SIK2: variants seen among roughly 807,000 people sequenced by gnomAD.
The protein encoded by SIK2 is serine/threonine-protein kinase SIK2.
SIK2 carries 29 observed loss-of-function variants against 103.2 expected under a neutral mutation model. The ratio of observed to expected loss-of-function variants is 0.28; its 90% confidence interval spans 0.21 to 0.38. The LOEUF is 0.38. SIK2 is among the 10% of genes least tolerant of loss of function. The pLI is 1.00. For synonymous variants in SIK2, 412 were observed against 446.1 expected, an observed-to-expected ratio of 0.92 and a Z score of 0.96; for missense variants, 879 against 1,171.0, an observed-to-expected ratio of 0.75 and a Z score of 3.64.
At chr11:111,713,921 C>G (rs977117846) in intron 9 of SIK2, among the ~76,000 whole-genome samples, 1 of 152,070 alleles carries the variant, frequency 6.6e-6, no homozygotes, top group East Asian at 1.9e-4. Context: ...GAGCCGAGAT[C>G]GTGCCATTGC....
chr11:111,622,229 T>C (rs975958934), intron 3 of SIK2, among the ~76,000 whole-genome samples: 11 of 150,412 alleles, frequency 7.3e-5, no homozygotes, highest in Non-Finnish European at 1.5e-4. Flanking sequence ...TTTTCTTTTG[T>C]CTGAAGGATT....
intron 4 of SIK2, among the ~76,000 whole-genome samples, chr11:111,697,694 T>A (rs1943109267): frequency 6.6e-6 from 1 of 152,098 alleles, no homozygotes; most frequent in Non-Finnish European, 1.5e-5. Flanking sequence ...TTCAGATGAT[T>A]ACAAATACAG....
At chr11:111,619,446 C>CAGCTCTCCCACCTCAGCCTCCCAAGT (rs1941852628) in intron 2 of SIK2, among the ~76,000 whole-genome samples, 1 of 152,018 alleles carries the variant, frequency 6.6e-6, no homozygotes, top group African/African-American at 2.4e-5. Context: ...CAGATACAAG[C>CAGCTCTCCCACCTCAGCCTCCCAAGT]AGCTCTCCCA....
intron 4 of SIK2, among the ~76,000 whole-genome samples, chr11:111,696,474 G>T (rs1391416919): frequency 6.6e-6 from 1 of 152,174 alleles, no homozygotes; most frequent in Non-Finnish European, 1.5e-5. Flanking sequence ...AAGTCAAAAT[G>T]AAGCCACGTG....
At chr11:111,628,930 T>C (rs943153647) in intron 3 of SIK2, among the ~76,000 whole-genome samples, 5 of 151,606 alleles carry the variant, frequency 3.3e-5, no homozygotes, top group African/African-American at 9.7e-5. Context: ...GTATTAGGAG[T>C]AGGAGAAGGG....
chr11:111,713,498 GT>G (rs1943557474), intron 9 of SIK2, among the ~76,000 whole-genome samples: 2 of 152,168 alleles, frequency 1.3e-5, no homozygotes, highest in Non-Finnish European at 1.5e-5. Flanking sequence ...GATAATGTGT[GT>G]GAGGTTTGGG....
At chr11:111,636,950 GA>G (rs1565322816) in intron 3 of SIK2, among the ~76,000 whole-genome samples, 1 of 152,128 alleles carries the variant, frequency 6.6e-6, no homozygotes, top group African/African-American at 2.4e-5. Flanking sequence ...ATTTTCCAAT[GA>G]TGTGCTTTGG....
chr11:111,641,858 C>T (rs1473917551), intron 3 of SIK2, among the ~76,000 whole-genome samples: 1 of 152,160 alleles, frequency 6.6e-6, no homozygotes, highest in African/African-American at 2.4e-5. Flanking sequence ...CTTGTCCCAG[C>T]TCAGCCATTA....
At position 111,710,967 on chromosome 11, in the gene SIK2, T is replaced by C. The variant is rs1002150665; in HGVS notation, c.1102-1244T>C. Among the ~76,000 whole-genome samples, 17 of 152,330 alleles carry C rather than the reference T, an allele frequency of 1.1e-4. 1 individual carries two copies. In the South Asian group the frequency reaches 3.5e-3, roughly 32 times the overall value. On this transcript the variant is annotated intron_variant, in intron 8 of 14. Coordinates refer to ENST00000304987, the MANE Select transcript of SIK2 (RefSeq NM_015191.3). ...TCATAGTCTAGTATGATGATTGTTT[T>C]CTCAGATGTGGTGCAGTGCCTGTTG...
intron 3 of SIK2, among the ~76,000 whole-genome samples, chr11:111,642,872 T>A (rs1942203319): frequency 6.6e-6 from 1 of 152,168 alleles, no homozygotes; most frequent in Non-Finnish European, 1.5e-5. Flanking sequence ...AGGAATACCA[T>A]AGGTTTTAGA....
In SIK2 at chr11:111,724,630, TG is replaced by T. The variant is rs1437708214; in HGVS notation, c.*502del. ...ATGCACAGGAAATAAAGGAAAGCTGTGCTTTGTCATTGAATCCTAAGTTCTT... is the reference window on the plus strand; with the variant it reads ...ATGCACAGGAAATAAAGGAAAGCTGTCTTTGTCATTGAATCCTAAGTTCTT... On this transcript the variant is annotated 3_prime_UTR_variant, in exon 15 of 15. Transcript: ENST00000304987. The T allele has an allele frequency of 6.3e-6, 1 of 159,090 alleles. No homozygotes were observed. Among genetic ancestry groups the T allele is most frequent in the Non-Finnish European group, 1.4e-5 (1 of 72,078 alleles). The allele number at this position is 159,090 out of a possible 1,614,324, so 9.9% of individuals were successfully genotyped here.
At chr11:111,618,354 C>T (rs781267602) in intron 2 of SIK2, among the ~76,000 whole-genome samples, 10 of 152,002 alleles carry the variant, frequency 6.6e-5, no homozygotes, top group Non-Finnish European at 1.5e-4. Flanking sequence ...GGTTAGGAAC[C>T]CCTGCTTTAA....
chr11:111,655,378 T>C (rs1209220378), intron 3 of SIK2, among the ~76,000 whole-genome samples: 1 of 152,222 alleles, frequency 6.6e-6, no homozygotes, highest in African/African-American at 2.4e-5. Context: ...CACTCCAGCC[T>C]GAGCAACAGA....
Position 111,722,654 on chromosome 11 carries a change from T to C in SIK2, c.2056-11T>C, listed in dbSNP as rs956059277. On this transcript the variant is annotated splice_polypyrimidine_tract_variant and intron_variant, in intron 13 of 14. Coordinates refer to ENST00000304987, the MANE Select transcript of SIK2 (RefSeq NM_015191.3). The surrounding 1 kb of genome is among the most constrained non-coding windows in gnomAD (Gnocchi z 4.4). ...CATTGTCACGCTCATGTTGTTTTTC[T>C]GCTCTTCCAGAAGCCCAGCCTTCTG... 34 of 1,612,424 alleles carry C rather than the reference T, an allele frequency of 2.1e-5. No homozygotes were observed. The highest frequency in any genetic ancestry group is 2.5e-5 in the Non-Finnish European group (29 of 1,179,464).
intron 3 of SIK2, among the ~76,000 whole-genome samples, chr11:111,656,345 A>G (rs948052982): frequency 2.0e-5 from 3 of 152,202 alleles, no homozygotes; most frequent in African/African-American, 7.2e-5. Flanking sequence ...TTGTTCATTT[A>G]CTAAGGAATG....
At chr11:111,713,404 C>T (rs1018937533) in intron 9 of SIK2, among the ~76,000 whole-genome samples, 1 of 152,068 alleles carries the variant, frequency 6.6e-6, no homozygotes, top group Admixed American at 6.6e-5. Flanking sequence ...ACTTGGGCCA[C>T]GTAACAAAAC....
At chr11:111,653,382 C>T (rs1161592456) in intron 3 of SIK2, among the ~76,000 whole-genome samples, 1 of 152,216 alleles carries the variant, frequency 6.6e-6, no homozygotes, top group Non-Finnish European at 1.5e-5. Flanking sequence ...ATCCTTTCTC[C>T]TAAGCTCAGA....
At position 111,634,872 on chromosome 11, in the gene SIK2, G is replaced by A. The variant is rs376536846; in HGVS notation, c.316+14470G>A. 4.6e-5 allele frequency among the ~76,000 whole-genome samples: 7 copies of A among 152,344 alleles called. No individual in the cohort carries two copies. The South Asian group carries it at 1.0e-3, about 23-fold the overall frequency. On this transcript the variant is annotated intron_variant, in intron 3 of 14. Coordinates refer to ENST00000304987, the MANE Select transcript of SIK2 (RefSeq NM_015191.3). ...GACAAACTTTGCTTCACATGTGTGA[G>A]GATGGTAGATGTTAACATAGAAAGA...
rs952508473 is a variant in SIK2, at chr11:111,728,256, A to G, written c.*4127A>G. The G allele has an allele frequency of 6.6e-6, 1 of 151,196 alleles. No homozygotes were observed. The highest frequency in any genetic ancestry group is 2.4e-5 in the African/African-American group (1 of 41,100). The allele number at this position is 151,196 out of a possible 1,614,324, so 9.4% of individuals were successfully genotyped here. On this transcript the variant is annotated 3_prime_UTR_variant, in exon 15 of 15. Coordinates refer to ENST00000304987, the MANE Select transcript of SIK2 (RefSeq NM_015191.3). ...AGTTGGAGTCATTGTACAGGCAGGGATCTTTGATCATTTTGTTGCTTCTGG... is the reference window on the plus strand; with the variant it reads ...AGTTGGAGTCATTGTACAGGCAGGGGTCTTTGATCATTTTGTTGCTTCTGG...
Sources: gnomAD v4.1 joint callset for allele counts (sites outside exome capture counted in the v4.1 genomes callset) on GRCh38, gnomAD v4.1.1 for gene constraint, Gnocchi (gnomAD v3.1) non-coding constraint, MANE v1.5 for transcripts, NCBI Gene and HGNC (gene_info 2026-07-23, HGNC 2026-07-21) for gene names.